Variants in CNBP observed in about 807,000 individuals in gnomAD.
CNBP encodes cellular nucleic acid-binding protein.
CNBP carries 6 observed loss-of-function variants against 21.2 expected under a neutral mutation model. The observed-to-expected ratio is 0.28, with a 90% CI of 0.16 to 0.56. CNBP has a LOEUF of 0.56. Ranked by LOEUF, CNBP falls within the 20% of genes least tolerant of loss-of-function variation. The pLI is 0.93. For missense variants in CNBP, 112 were observed against 233.1 expected (o/e 0.48, Z 3.38); for synonymous variants, 61 against 74.9 (o/e 0.81, Z 0.96).
intron 4 of CNBP, 96 bp from the exon 5 acceptor site, chr3:129,170,666 T>G (rs2107632751): frequency 1.1e-6 from 1 of 917,572 alleles, no homozygotes; most frequent in East Asian, 2.4e-5. Context: ...CTGATCTTTG[T>G]TTTCATGCAA....
intron 1 of CNBP, among the ~76,000 whole-genome samples, chr3:129,180,006 CA>C (rs201834486): frequency 0.034 from 4,344 of 128,584 alleles, 219 homozygotes; most frequent in African/African-American, 0.12. Flanking sequence ...ACTTTGTCTC[CA>C]AAAAAAAAAG....
chr3:129,175,462 GCT>G (rs1560037503), intron 1 of CNBP, among the ~76,000 whole-genome samples: 1 of 136,280 alleles, frequency 7.3e-6, no homozygotes, highest in South Asian at 2.3e-4. Context: ...AGACAGTCTC[GCT>G]CTGTCACCAG....
intron 1 of CNBP, among the ~76,000 whole-genome samples, chr3:129,176,787 G>C (rs1937932767): frequency 6.6e-6 from 1 of 151,980 alleles, no homozygotes; most frequent in South Asian, 2.1e-4. Context: ...CAGGGATTAG[G>C]GCCAACCACT....
At chr3:129,176,277 C>A (rs1444378372) in intron 1 of CNBP, among the ~76,000 whole-genome samples, 4 of 152,144 alleles carry the variant, frequency 2.6e-5, no homozygotes, top group Non-Finnish European at 1.5e-5. Flanking sequence ...ACAACTTTTT[C>A]CAACCTTCAC....
chr3:129,171,889 T>C (rs1937575712), intron 1 of CNBP, 118 bp from the exon 2 acceptor site: 2 of 1,142,564 alleles, frequency 1.8e-6, no homozygotes, highest in African/African-American at 1.6e-5. Flanking sequence ...ATATATTGGT[T>C]AAAAAAATAG....
At position 129,168,585 on chromosome 3, in the gene CNBP, G is replaced by A. The variant is rs1254658965; in HGVS notation, c.*1868C>T. ...ATTGCACCATTGCACTCTAGCCTGGGCAACAGAGCGAGACTGTCTCAAAAA... is the reference window on the plus strand; with the variant it reads ...ATTGCACCATTGCACTCTAGCCTGGACAACAGAGCGAGACTGTCTCAAAAA... On this transcript the variant is annotated 3_prime_UTR_variant, in exon 5 of 5. Coordinates refer to ENST00000422453, the MANE Select transcript of CNBP (RefSeq NM_003418.5). Among the ~76,000 whole-genome samples the A allele has an allele frequency of 7.2e-6, 1 of 138,720 alleles. No homozygotes were observed. The highest frequency in any genetic ancestry group is 1.5e-5 in the Non-Finnish European group (1 of 65,732). The allele number at this position is 138,720 out of a possible 152,430, so 91.0% of individuals were successfully genotyped here.
At chr3:129,172,652 G>A (rs149330768) in intron 1 of CNBP, among the ~76,000 whole-genome samples, 1,465 of 108,516 alleles carry the variant, frequency 0.014, 13 homozygotes, top group South Asian at 0.028. Context: ...AGGCAGGCAG[G>A]CAGGCAGACA....
At chr3:129,171,917 C>T (rs41266499) in intron 1 of CNBP, 146 bp from the exon 2 acceptor site, 556 of 887,426 alleles carry the variant, frequency 6.3e-4, no homozygotes, top group Non-Finnish European at 8.5e-4. Context: ...TGGTGGCTCA[C>T]GCCAGTAATC....
Position 129,169,889 on chromosome 3 carries a change from TGAA to T in CNBP, c.*561_*563del, listed in dbSNP as rs892866315. The T allele has an allele frequency of 8.7e-6, 2 of 230,496 alleles. No individual in the cohort carries two copies. Among genetic ancestry groups the T allele is most frequent in the Non-Finnish European group, 1.7e-5 (2 of 116,150 alleles). 14.3% of individuals were successfully genotyped at this position (230,496 alleles called of 1,614,324 possible). On this transcript the variant is annotated 3_prime_UTR_variant, in exon 5 of 5. Transcript: ENST00000422453. ...TATGTGTCCAACATCAACACTGTGA[TGAA>T]GTTGTTCCTGTTTAGGCTTTTATTC...
rs1937539443 is a variant in CNBP, at chr3:129,169,979, G to C, written c.*474C>G. ...TCTTTTTGTTTACTCCCACTCAACT[G>C]TATGTTCTATGTAGGGCCTGATACA... On this transcript the variant is annotated 3_prime_UTR_variant, in exon 5 of 5. Coordinates refer to ENST00000422453, the MANE Select transcript of CNBP (RefSeq NM_003418.5). 4.3e-6 allele frequency: 1 copy of C among 234,254 alleles called. No homozygotes were observed. The highest frequency in any genetic ancestry group is 8.5e-6 in the Non-Finnish European group (1 of 118,294). 14.5% of individuals were successfully genotyped at this position (234,254 alleles called of 1,614,324 possible).
Position 129,171,628 on chromosome 3 carries a change from A to G in CNBP, c.124+6T>C, listed in dbSNP as rs747697969. On this transcript the variant is annotated splice_donor_region_variant and intron_variant, in intron 2 of 4. Coordinates refer to ENST00000422453, the MANE Select transcript of CNBP (RefSeq NM_003418.5). ...GTACTTCAAATTTTTCTATTCGACA[A>G]AATACCTCTATCCGAGGTAAAACCA... 6.2e-7 allele frequency: 1 copy of G among 1,614,188 alleles called. No homozygotes were observed. Among genetic ancestry groups the G allele is most frequent in the Admixed American group, 1.7e-5 (1 of 60,030 alleles).
rs915855660 is a variant in CNBP, at chr3:129,170,299, G to A, written c.*154C>T. 32 of 655,148 alleles carry A rather than the reference G, an allele frequency of 4.9e-5. No homozygotes were observed. Among genetic ancestry groups the A allele is most frequent in the African/African-American group, 3.6e-4 (20 of 55,110 alleles). The allele number at this position is 655,148 out of a possible 1,614,324, so 40.6% of individuals were successfully genotyped here. A position where few individuals can be genotyped will look rare whatever the true frequency, so the allele number is the denominator to read the frequency against. On this transcript the variant is annotated 3_prime_UTR_variant, in exon 5 of 5. Transcript: ENST00000422453. ...TTTTTGTAGTTAAATGCAGAAAGTCGGTTTTTTTCCACCCCTTTCCTCCTT... is the reference window on the plus strand; with the variant it reads ...TTTTTGTAGTTAAATGCAGAAAGTCAGTTTTTTTCCACCCCTTTCCTCCTT...
At chr3:129,182,075 T>A (rs772604110) in intron 1 of CNBP, among the ~76,000 whole-genome samples, 19 of 151,378 alleles carry the variant, frequency 1.3e-4, no homozygotes, top group Non-Finnish European at 2.4e-4. Flanking sequence ...ATATCTCTTA[T>A]CTTTTTGAAA....
chr3:129,173,416 T>C (rs1447248190), intron 1 of CNBP, among the ~76,000 whole-genome samples: 1 of 152,298 alleles, frequency 6.6e-6, no homozygotes, highest in East Asian at 1.9e-4. Flanking sequence ...AAAACGACCA[T>C]GAGTTACACC....
chr3:129,176,797 T>C (rs1394467457), intron 1 of CNBP, among the ~76,000 whole-genome samples: 1 of 152,060 alleles, frequency 6.6e-6, no homozygotes, highest in East Asian at 1.9e-4. Flanking sequence ...GGCCAACCAC[T>C]CAAAGGACAT....
intron 1 of CNBP, among the ~76,000 whole-genome samples, chr3:129,173,200 A>G (rs2107637408): frequency 6.6e-6 from 1 of 152,328 alleles, no homozygotes; most frequent in African/African-American, 2.4e-5. Context: ...GTTAACAACT[A>G]CTTATTCAGC....
intron 1 of CNBP, among the ~76,000 whole-genome samples, chr3:129,172,695 G>GACACACACACAC (rs1553787467): frequency 5.1e-5 from 4 of 78,872 alleles, no homozygotes; most frequent in East Asian, 4.0e-4. Flanking sequence ...CAGACAGACA[G>GACACACACACAC]ACACACACAC....
chr3:129,180,955 G>A (rs2107648153), intron 1 of CNBP, among the ~76,000 whole-genome samples: 1 of 152,032 alleles, frequency 6.6e-6, no homozygotes, highest in South Asian at 2.1e-4. Flanking sequence ...AAGTAGAATT[G>A]TTGGCAAGGC....
chr3:129,175,617 ACG>A (rs1348715259), intron 1 of CNBP, among the ~76,000 whole-genome samples: 2 of 151,808 alleles, frequency 1.3e-5, no homozygotes, highest in African/African-American at 4.8e-5. Context: ...TTTAGTAGAG[ACG>A]GGGTTTCACC....
Sources: gnomAD v4.1 joint callset for allele counts (sites outside exome capture counted in the v4.1 genomes callset) on GRCh38, gnomAD v4.1.1 for gene constraint, MANE v1.5 for transcripts, NCBI Gene and HGNC (gene_info 2026-07-23, HGNC 2026-07-21) for gene names.